The following ABLIM1 variants were observed in gnomAD, a reference collection of about 807,000 sequenced individuals.
ABLIM1 encodes actin-binding LIM protein 1.
In ABLIM1, 40 loss-of-function variants were observed where a neutral mutation model predicts 107.0. The observed-to-expected ratio is 0.37, with a 90% CI of 0.29 to 0.49. The LOEUF is 0.49. Ranked by LOEUF, ABLIM1 falls within the 20% of genes least tolerant of loss-of-function variation. The pLI is 0.97. For synonymous variants in ABLIM1, 357 were observed against 357.3 expected (o/e 1.00, Z 0.01); for missense variants, 857 against 1,008.5 (o/e 0.85, Z 2.04).
In ABLIM1 at chr10:114,640,539, C is replaced by CCAACAA. The variant is rs147389561; in HGVS notation, c.244+17412_244+17417dup. Among the ~76,000 whole-genome samples the CCAACAA allele has an allele frequency of 4.4e-3, 666 of 151,186 alleles. 6 individuals are homozygous for CCAACAA. The highest frequency in any genetic ancestry group is 0.017 in the Admixed American group (264 of 15,180). On this transcript the variant is annotated intron_variant, in intron 1 of 22. Coordinates refer to ENST00000533213, the MANE Select transcript of ABLIM1 (RefSeq NM_002313.7). ...AAGACACCATCTCAAAACAAACAAA[C>CCAACAA]CAACAACAACAACAACAACAACAAC...
At position 114,674,901 on chromosome 10, in the gene ABLIM1, C is replaced by T. The variant is rs779280987; in HGVS notation, c.64+9389G>A. Among the ~76,000 whole-genome samples the T allele has an allele frequency of 1.2e-3, 182 of 152,242 alleles. 1 individual carries two copies. Among genetic ancestry groups the T allele is most frequent in the Admixed American group, 2.0e-3 (30 of 15,296 alleles). The stretch of plus-strand genomic sequence containing the variant: ...TGAAAGTTTGTGGGAGGCTGGATCT[C>T]AGGCAGTTTCTGCCCAGAATTCCCT... On this transcript the variant is annotated intron_variant, in intron 1 of 23. Transcript: ENST00000369256.
chr10:114,481,677 C>G (rs1317381712), intron 8 of ABLIM1, among the ~76,000 whole-genome samples: 2 of 152,196 alleles, frequency 1.3e-5, no homozygotes, highest in Admixed American at 6.5e-5. Context: ...TCTCTGGGGA[C>G]AGTTTCACAA....
chr10:114,489,764 C>G (rs1189323694), intron 7 of ABLIM1, among the ~76,000 whole-genome samples: 1 of 152,100 alleles, frequency 6.6e-6, no homozygotes, highest in Non-Finnish European at 1.5e-5. Context: ...GAATGTGACT[C>G]GGACAGAACA....
chr10:114,780,043 TAAAA>T, the ABLIM1 span: 1 of 152,000 alleles, frequency 6.6e-6, no homozygotes, highest in Non-Finnish European at 1.5e-5. Context: ...AAAATCATAA[TAAAA>T]TAAATAAAAG....
At chr10:114,634,435 A>G (rs1420508635) in intron 1 of ABLIM1, among the ~76,000 whole-genome samples, 4 of 151,868 alleles carry the variant, frequency 2.6e-5, no homozygotes, top group East Asian at 1.9e-4. Context: ...CCCGGCCTCA[A>G]TTTTTCTTTT....
At chr10:114,594,166 G>GC (rs1566041654) in intron 2 of ABLIM1, among the ~76,000 whole-genome samples, 1 of 152,098 alleles carries the variant, frequency 6.6e-6, no homozygotes, top group Non-Finnish European at 1.5e-5. Flanking sequence ...TTCTAGTTTT[G>GC]CCCCAAAATA....
the ABLIM1 span, among the ~76,000 whole-genome samples, chr10:114,773,773 C>T: frequency 6.6e-6 from 1 of 151,672 alleles, no homozygotes; most frequent in Admixed American, 6.6e-5. Flanking sequence ...AAATATCTTT[C>T]AAAAATGAGG....
intron 1 of ABLIM1, among the ~76,000 whole-genome samples, chr10:114,635,855 A>G (rs1436941000): frequency 1.3e-5 from 2 of 152,162 alleles, no homozygotes; most frequent in African/African-American, 2.4e-5. Flanking sequence ...GCATGCTCAG[A>G]ATCCTTTCTA....
chr10:114,491,780 G>T lies in ABLIM1; in HGVS notation c.982+11C>A. The T allele has an allele frequency of 6.2e-7, 1 of 1,604,182 alleles. No individual in the cohort carries two copies. The highest frequency in any genetic ancestry group is 8.5e-7 in the Non-Finnish European group (1 of 1,172,010). On this transcript the variant is annotated intron_variant, in intron 7 of 22. Transcript: ENST00000533213. ...CAAGGAAAACTTCTAGTGTTCTTGA[G>T]TCCACCTCACCTTGAAGATACATTT...
At chr10:114,582,945 G>A (rs114260849) in intron 2 of ABLIM1, among the ~76,000 whole-genome samples, 1,665 of 152,090 alleles carry the variant, frequency 0.011, 26 homozygotes, top group African/African-American at 0.038. Context: ...TCTGGACATC[G>A]GCCTTGGCAA....
intron 1 of ABLIM1, among the ~76,000 whole-genome samples, chr10:114,736,236 G>T (rs865894527): frequency 7.2e-5 from 11 of 152,216 alleles, no homozygotes; most frequent in Middle Eastern, 3.4e-3. Context: ...GAATAGCCTG[G>T]CCCTAGAATG....
chr10:114,745,460 C>T (rs1211837813), intron 1 of ABLIM1, among the ~76,000 whole-genome samples: 1 of 152,156 alleles, frequency 6.6e-6, no homozygotes, highest in Non-Finnish European at 1.5e-5. Context: ...ACCCAGGAGG[C>T]TGAGGCAGGA....
intron 2 of ABLIM1, among the ~76,000 whole-genome samples, chr10:114,593,344 A>G (rs1375010481): frequency 6.6e-6 from 1 of 152,208 alleles, no homozygotes; most frequent in Non-Finnish European, 1.5e-5. Flanking sequence ...ACCTGCTCCA[A>G]TATAATGGAT....
chr10:114,569,325 T>C (rs1046703490), intron 4 of ABLIM1, among the ~76,000 whole-genome samples: 1 of 151,932 alleles, frequency 6.6e-6, no homozygotes, highest in African/African-American at 2.4e-5. Context: ...TTTTTCTTTT[T>C]TTTTTTTCTT....
intron 8 of ABLIM1, among the ~76,000 whole-genome samples, chr10:114,480,347 A>G (rs1287019276): frequency 6.6e-6 from 1 of 152,244 alleles, no homozygotes; most frequent in Non-Finnish European, 1.5e-5. Flanking sequence ...TTATAAATGC[A>G]TACAATTTCA....
intron 6 of ABLIM1, among the ~76,000 whole-genome samples, chr10:114,514,144 C>T (rs1175030113): frequency 6.6e-6 from 1 of 152,080 alleles, no homozygotes; most frequent in Non-Finnish European, 1.5e-5. Context: ...TGAAATGAGG[C>T]CGGGTGCAGT....
At chr10:114,632,275 G>A (rs965994824) in intron 1 of ABLIM1, 15 of 985,396 alleles carry the variant, frequency 1.5e-5, no homozygotes, top group Non-Finnish European at 1.7e-5. Context: ...TGTATTCCTC[G>A]CACCGAGGAC....
chr10:114,545,427 G>A (rs752447706), intron 5 of ABLIM1, among the ~76,000 whole-genome samples: 5 of 152,198 alleles, frequency 3.3e-5, no homozygotes, highest in Admixed American at 6.5e-5. Flanking sequence ...CCCTGGGCAC[G>A]TAGGAGTACT....
chr10:114,782,819 G>T, the ABLIM1 span, among the ~76,000 whole-genome samples: 571 of 152,158 alleles, frequency 3.8e-3, 10 homozygotes, highest in African/African-American at 0.013. Flanking sequence ...AAAATAAGAA[G>T]AATAAGATAT....
Sources: allele counts gnomAD v4.1 joint callset (sites outside exome capture counted in the v4.1 genomes callset), GRCh38; gene constraint gnomAD v4.1.1; transcripts MANE v1.5; gene names NCBI Gene and HGNC (gene_info 2026-07-23, HGNC 2026-07-21).